TMEM165: variants seen among roughly 807,000 people sequenced by gnomAD.
TMEM165 encodes transmembrane protein 165, also known as putative divalent cation/proton antiporter TMEM165.
A neutral mutation model predicts 30.0 loss-of-function variants in TMEM165; 19 were observed. That is an observed-to-expected ratio of 0.63 (90% CI 0.44 to 0.93). The LOEUF is 0.93. Ranked by LOEUF, TMEM165 falls within the 40% of genes least tolerant of loss-of-function variation. TMEM165 has a pLI of 0.00. For synonymous variants in TMEM165, 168 were observed against 162.9 expected (o/e 1.03, Z -0.24); for missense variants, 340 against 417.0 (o/e 0.82, Z 1.61).
At chr4:55,421,706 C>G (rs191553934) in intron 4 of TMEM165, among the ~76,000 whole-genome samples, 62 of 152,340 alleles carry the variant, frequency 4.1e-4, no homozygotes, top group African/African-American at 1.4e-3. Flanking sequence ...TTTCCTGTCT[C>G]TGCACACACA....
chr4:55,447,489 A>G (rs1036521973), intron 3 of TMEM165, among the ~76,000 whole-genome samples: 2 of 152,266 alleles, frequency 1.3e-5, no homozygotes, highest in African/African-American at 4.8e-5. Context: ...TCTATCAAGT[A>G]CAAAAGAAAA....
chr4:55,417,697 T>G (rs1030544818), intron 3 of TMEM165, 106 bp from the exon 4 acceptor site: 19 of 943,444 alleles, frequency 2.0e-5, no homozygotes, highest in Non-Finnish European at 2.8e-5. Context: ...GTAGTTTTTT[T>G]GGAGCATATT....
In TMEM165 at chr4:55,400,068, C is replaced by G. The variant is rs369748772; in HGVS notation, c.207+3672C>G. 4.3e-5 allele frequency among the ~76,000 whole-genome samples: 6 copies of G among 139,744 alleles called. No homozygotes were observed. The East Asian group carries it at 8.2e-4, about 19-fold the overall frequency. 91.7% of individuals were successfully genotyped at this position (139,744 alleles called of 152,430 possible). A position where few individuals can be genotyped will look rare whatever the true frequency, so the allele number is the denominator to read the frequency against. On this transcript the variant is annotated intron_variant, in intron 1 of 5. Transcript: ENST00000381334. ...CTATGTTGCTCAGCCTGCCCTCAAA[C>G]TCCTGGGCTCAAGGGATCTTCCCCT...
At chr4:55,447,186 G>C (rs113606166) in intron 3 of TMEM165, among the ~76,000 whole-genome samples, 2,571 of 152,050 alleles carry the variant, frequency 0.017, 71 homozygotes, top group African/African-American at 0.058. Flanking sequence ...GGGCAACATG[G>C]CAAAACCCTG....
downstream of TMEM165, chr4:55,430,601 T>C (rs961894580): frequency 1.3e-5 from 2 of 152,176 alleles, no homozygotes; most frequent in Non-Finnish European, 2.9e-5. Context: ...AAGTATTCTT[T>C]TTCTCAGTCC....
rs2459221 is a variant in TMEM165 at position 55,409,780 on chromosome 4, A to T, written c.208-1834A>T. Among the ~76,000 whole-genome samples the T allele has an allele frequency of 4.2e-3, 639 of 152,280 alleles. 6 individuals carry two copies. The highest frequency in any genetic ancestry group is 0.015 in the African/African-American group (611 of 41,554). ...ACTCAGACGTTGAGAAGAGAAGGGT[A>T]TTTACCACCTCCTCTAGCAGTCTGT... On this transcript the variant is annotated intron_variant, in intron 1 of 5. Coordinates refer to ENST00000381334, the MANE Select transcript of TMEM165 (RefSeq NM_018475.5).
At position 55,425,397 on chromosome 4, in the gene TMEM165, T is replaced by A; in HGVS notation, c.920T>A (p.Val307Asp). 6.2e-7 allele frequency: 1 copy of A among 1,611,688 alleles called. No homozygotes were observed. The highest frequency in any genetic ancestry group is 8.5e-7 in the Non-Finnish European group (1 of 1,178,300). The change falls in exon 6 of 6, where the codon GTT becomes GAT. Residue 307 changes from valine (V) to aspartate (D), a missense_variant. Physicochemically the swap from Val to Asp is radical, Grantham distance 152. Transcript: ENST00000381334. ...VRTVTIIGGI[V>D]FLAFAFSALF... ...CCAGTGACAATCATAGGAGGCATCG[T>A]TTTTTTGGCGTTTGCATTTTCTGCA...
chr4:55,451,102 C>A (rs1724405729), intron 3 of TMEM165, among the ~76,000 whole-genome samples: 1 of 151,912 alleles, frequency 6.6e-6, no homozygotes, highest in Non-Finnish European at 1.5e-5. Context: ...TGCCCCATTT[C>A]TCTTCTCTTT....
intron 3 of TMEM165, among the ~76,000 whole-genome samples, chr4:55,443,475 C>CAAA (rs36064611): frequency 2.5e-5 from 3 of 120,022 alleles, no homozygotes; most frequent in Non-Finnish European, 3.4e-5. Context: ...AACTCCGTCT[C>CAAA]AAAAAAAAAA....
At position 55,453,270 on chromosome 4, in the gene TMEM165, C is replaced by T. The variant is rs907978690; in HGVS notation, c.*964C>T. On this transcript the variant is annotated 3_prime_UTR_variant, in exon 4 of 4. Transcript: ENST00000608091. ...ATGTGCTACACAAACCTAAAATATA[C>T]CTATAATGTCTTAATTTAACTTGCA... The T allele has an allele frequency of 7.4e-6, 5 of 673,992 alleles. No individual in the cohort carries two copies. In the Admixed American group the frequency reaches 7.8e-5, roughly 11 times the overall value. The allele number at this position is 673,992 out of a possible 1,614,324, so 41.8% of individuals were successfully genotyped here.
At chr4:55,427,687 G>A (rs1235265844), downstream of TMEM165, among the ~76,000 whole-genome samples, 1 of 152,182 alleles carries the variant, frequency 6.6e-6, no homozygotes, top group African/African-American at 2.4e-5. Context: ...CTCGTAGGGA[G>A]TAGCTGGCAC....
chr4:55,407,782 A>T (rs1721329764), intron 1 of TMEM165, among the ~76,000 whole-genome samples: 1 of 152,242 alleles, frequency 6.6e-6, no homozygotes. Flanking sequence ...TTTCAGGAAG[A>T]TTCAACTGTT....
intron 1 of TMEM165, among the ~76,000 whole-genome samples, 161 bp downstream of exon 1, chr4:55,396,557 G>A (rs1720738360): frequency 6.6e-6 from 1 of 152,222 alleles, no homozygotes; most frequent in South Asian, 2.1e-4. Flanking sequence ...CTGTTTTCCG[G>A]TGAGGCCTGG....
chr4:55,402,489 C>A (rs1366495211), intron 1 of TMEM165, among the ~76,000 whole-genome samples: 1 of 109,202 alleles, frequency 9.2e-6, no homozygotes, highest in African/African-American at 4.0e-5. Flanking sequence ...TCACTGTCAC[C>A]CAGGCTGGAG....
exon 4 of TMEM165, chr4:55,453,294 C>A: frequency 1.6e-6 from 1 of 613,338 alleles, no homozygotes; most frequent in South Asian, 2.3e-5. Flanking sequence ...ATTTAACTTG[C>A]ATTTTTCTAG....
At chr4:55,445,380 TA>T (rs1723724220) in intron 3 of TMEM165, among the ~76,000 whole-genome samples, 1 of 152,090 alleles carries the variant, frequency 6.6e-6, no homozygotes, top group Admixed American at 6.5e-5. Context: ...TCTCTACCTC[TA>T]ATCTGTGGCA....
chr4:55,410,660 A>C (rs529951117), intron 1 of TMEM165, among the ~76,000 whole-genome samples: 4 of 152,144 alleles, frequency 2.6e-5, no homozygotes, highest in African/African-American at 9.7e-5. Context: ...CCAACTCTCT[A>C]TACCCTGCTG....
chr4:55,435,155 T>C, intron 3 of TMEM165: 1 of 487,438 alleles, frequency 2.1e-6, no homozygotes, highest in South Asian at 2.1e-5. Flanking sequence ...TATATTCTTT[T>C]TCCATCAAAA....
At chr4:55,445,413 T>C (rs1437656712) in intron 3 of TMEM165, among the ~76,000 whole-genome samples, 1 of 151,888 alleles carries the variant, frequency 6.6e-6, no homozygotes, top group South Asian at 2.1e-4. Flanking sequence ...TTCTCTATTA[T>C]CCAGTTGCTA....
Sources: allele counts gnomAD v4.1 joint callset (sites outside exome capture counted in the v4.1 genomes callset), GRCh38; gene constraint gnomAD v4.1.1; transcripts MANE v1.5; gene names NCBI Gene and HGNC (gene_info 2026-07-23, HGNC 2026-07-21).